Variants in CORIN observed in about 807,000 individuals in gnomAD.
CORIN encodes corin, serine peptidase.
In CORIN, 117 loss-of-function variants were observed where a neutral mutation model predicts 125.3. The observed-to-expected ratio is 0.93, with a 90% confidence interval of 0.80 to 1.09. CORIN has a LOEUF of 1.09. Ranked by LOEUF, CORIN falls within the 50% of genes least tolerant of loss-of-function variation. The pLI is 0.00. For synonymous variants in CORIN, 450 were observed against 466.4 expected (o/e 0.96, Z 0.45); for missense variants, 1,253 against 1,306.7 (o/e 0.96, Z 0.63).
intron 4 of CORIN, among the ~76,000 whole-genome samples, chr4:47,762,186 C>A (rs907413419): frequency 2.0e-5 from 3 of 151,994 alleles, no homozygotes; most frequent in African/African-American, 7.3e-5. Flanking sequence ...GTTCTCACCA[C>A]AAAAATGGTA....
At chr4:47,785,694 A>G (rs1730762463) in intron 3 of CORIN, among the ~76,000 whole-genome samples, 1 of 151,796 alleles carries the variant, frequency 6.6e-6, no homozygotes, top group African/African-American at 2.4e-5. Flanking sequence ...CGGGTGGATC[A>G]TGAGGTTAGG....
At chr4:47,735,744 C>A (rs1394981213) in intron 5 of CORIN, among the ~76,000 whole-genome samples, 1 of 151,890 alleles carries the variant, frequency 6.6e-6, no homozygotes, top group African/African-American at 2.4e-5. Context: ...CACGGTGAAA[C>A]CACGTCTCTA....
chr4:47,780,352 C>T (rs554431532), intron 3 of CORIN, among the ~76,000 whole-genome samples: 4 of 151,678 alleles, frequency 2.6e-5, no homozygotes, highest in African/African-American at 7.3e-5. Flanking sequence ...GGAATTTATG[C>T]AAAAATGGGA....
At chr4:47,816,007 A>G (rs926867687) in intron 1 of CORIN, among the ~76,000 whole-genome samples, 1 of 152,214 alleles carries the variant, frequency 6.6e-6, no homozygotes, top group Admixed American at 6.5e-5. Flanking sequence ...TGACTTTTAA[A>G]AATTGAAACA....
At chr4:47,664,724 T>C (rs1294866884) in intron 11 of CORIN, among the ~76,000 whole-genome samples, 2 of 152,164 alleles carry the variant, frequency 1.3e-5, no homozygotes, top group African/African-American at 2.4e-5. Context: ...TTTTATACTA[T>C]CATACTTTTT....
rs748815282 is a variant in CORIN at position 47,744,460 on chromosome 4, A to C, written c.741T>G (p.Thr247=). 2 of 1,614,120 alleles carry C rather than the reference A, an allele frequency of 1.2e-6. No individual in the cohort carries two copies. The highest frequency in any genetic ancestry group is 1.7e-6 in the Non-Finnish European group (2 of 1,180,008). Residue 247 remains threonine (T), a synonymous_variant, in exon 5 of 22, where the codon ACT becomes ACG. Transcript: ENST00000273857. ...FLRCSQFRNQ[T]ESSNVSRICF... Reference sequence around the variant, plus strand: ...AAATTCTGCTGACATTGCTGCTTTCAGTTTGGTTTCTAAACTGGGAGCATC... The same window carrying C: ...AAATTCTGCTGACATTGCTGCTTTCCGTTTGGTTTCTAAACTGGGAGCATC...
intron 5 of CORIN, among the ~76,000 whole-genome samples, chr4:47,703,595 T>C (rs1420012118): frequency 6.6e-6 from 1 of 152,212 alleles, no homozygotes; most frequent in Admixed American, 6.5e-5. Flanking sequence ...TTCAGTTTCC[T>C]TACCTGAATC....
chr4:47,821,730 A>T (rs1732523341), intron 1 of CORIN, among the ~76,000 whole-genome samples: 1 of 152,162 alleles, frequency 6.6e-6, no homozygotes, highest in Non-Finnish European at 1.5e-5. Context: ...CGCTAAAGTT[A>T]TCTGTACTTT....
At chr4:47,617,661 G>T (rs892907405) in intron 19 of CORIN, among the ~76,000 whole-genome samples, 3 of 152,210 alleles carry the variant, frequency 2.0e-5, no homozygotes, top group African/African-American at 7.2e-5. Context: ...TCTTTTAGTG[G>T]ACATTACTAT....
intron 5 of CORIN, among the ~76,000 whole-genome samples, chr4:47,721,258 C>G (rs1469228413): frequency 6.6e-6 from 1 of 151,780 alleles, no homozygotes; most frequent in Non-Finnish European, 1.5e-5. Flanking sequence ...GCTCCACCCC[C>G]ATAACCTCAT....
chr4:47,820,149 C>T lies in CORIN; in HGVS notation c.64-13102G>A, dbSNP rs573733614. On this transcript the variant is annotated intron_variant, in intron 1 of 21. Coordinates refer to ENST00000273857, the MANE Select transcript of CORIN (RefSeq NM_006587.4). Reference sequence around the variant, plus strand: ...ACTATTGTTCATGCCAGTTTAAATACATAGTGGCAGTCAAAAGAAAGAGAG... The same window carrying T: ...ACTATTGTTCATGCCAGTTTAAATATATAGTGGCAGTCAAAAGAAAGAGAG... 1.2e-4 allele frequency among the ~76,000 whole-genome samples: 18 copies of T among 152,102 alleles called. No individual in the cohort carries two copies. The East Asian group carries it at 3.5e-3, about 29-fold the overall frequency.
chr4:47,826,601 G>A (rs1560567111), intron 1 of CORIN, among the ~76,000 whole-genome samples: 1 of 152,156 alleles, frequency 6.6e-6, no homozygotes, highest in African/African-American at 2.4e-5. Flanking sequence ...ATTGTCACAT[G>A]TGATTCTGAC....
chr4:47,631,718 G>A (rs765705968), intron 16 of CORIN, among the ~76,000 whole-genome samples: 31 of 152,130 alleles, frequency 2.0e-4, no homozygotes, highest in Non-Finnish European at 1.0e-4. Context: ...ACCAGTCCCT[G>A]GTGCCAAAAA....
At chr4:47,661,963 T>C (rs1724269706) in intron 11 of CORIN, 107 bp from the exon 12 acceptor site, 1 of 1,097,318 alleles carries the variant, frequency 9.1e-7, no homozygotes, top group Non-Finnish European at 1.2e-6. Flanking sequence ...GCATGTATTG[T>C]GGGTGTGTGG....
intron 5 of CORIN, among the ~76,000 whole-genome samples, chr4:47,713,733 A>G (rs946775322): frequency 6.6e-6 from 1 of 152,024 alleles, no homozygotes; most frequent in African/African-American, 2.4e-5. Flanking sequence ...CACATTTCCA[A>G]TCTATTTCCC....
Position 47,653,627 on chromosome 4 carries a change from C to G in CORIN, c.1769G>C (p.Gly590Ala). ...TCTTCTGGAAGCCAGAACACACTGT[C>G]CTGAGCGGCACTTGAAATGACTAGG... ...CSPSHFKCRS[G>A]QCVLASRRCD... is the part of the protein sequence containing the mutation. The change falls in exon 13 of 22, where the codon GGA (glycine) becomes GCA (alanine). Residue 590 changes from glycine to alanine, a missense_variant. Gly to Ala is a moderately conservative substitution (Grantham distance 60). Transcript: ENST00000273857. 1 of 1,614,112 alleles carries G rather than the reference C, an allele frequency of 6.2e-7. No homozygotes were observed. The highest frequency in any genetic ancestry group is 1.3e-5 in the African/African-American group (1 of 75,058).
chr4:47,673,470 T>C (rs990190845), intron 10 of CORIN, among the ~76,000 whole-genome samples: 24 of 151,228 alleles, frequency 1.6e-4, no homozygotes, highest in African/African-American at 5.8e-4. Context: ...CAGCAAAAAG[T>C]TCATTAGAAA....
At chr4:47,790,279 C>T (rs1731017122) in intron 2 of CORIN, 1 of 767,428 alleles carries the variant, frequency 1.3e-6, no homozygotes, top group Non-Finnish European at 1.6e-6. Context: ...CCGGCAGAAC[C>T]CCCGACTGGC....
At chr4:47,758,039 G>T (rs951413504) in intron 4 of CORIN, among the ~76,000 whole-genome samples, 2 of 151,294 alleles carry the variant, frequency 1.3e-5, no homozygotes, top group African/African-American at 2.4e-5. Flanking sequence ...TCAGCCTCCC[G>T]AGTAGCTGGG....
Sources: gnomAD v4.1 joint callset for allele counts (sites outside exome capture counted in the v4.1 genomes callset) on GRCh38, gnomAD v4.1.1 for gene constraint, MANE v1.5 for transcripts, NCBI Gene and HGNC (gene_info 2026-07-23, HGNC 2026-07-21) for gene names.